Variants in EXOC6B observed in about 807,000 individuals in gnomAD.
The protein encoded by EXOC6B is SEC15 homolog B.
EXOC6B carries 54 observed loss-of-function variants against 113.5 expected under a neutral mutation model. The ratio of observed to expected loss-of-function variants is 0.48; its 90% CI spans 0.38 to 0.60. The LOEUF (loss-of-function observed/expected upper bound fraction) is 0.60, where lower values mean the gene tolerates loss of function less well. Among genes scored for constraint, EXOC6B ranks in the 20% least tolerant of loss-of-function variants. The probability of loss-of-function intolerance (pLI) is 0.00; values close to 1 mark genes in which losing one functional copy is unlikely to be tolerated. For missense variants in EXOC6B, 797 were observed against 977.5 expected, an observed-to-expected ratio of 0.82 and a Z score of 2.46; for synonymous variants, 357 against 339.0, an observed-to-expected ratio of 1.05 and a Z score of -0.58.
In EXOC6B at chr2:72,450,433, A is replaced by G. The variant is rs1573147571; in HGVS notation, c.1980+14727T>C. Among the ~76,000 whole-genome samples the G allele has an allele frequency of 4.6e-5, 7 of 152,344 alleles. No homozygotes were observed. The South Asian group carries it at 1.4e-3, about 32-fold the overall frequency. On this transcript the variant is annotated intron_variant, in intron 18 of 21. Transcript: ENST00000272427. ...GAGGGTATAGACACATTAAAAGTTA[A>G]TCTCACAACTATCACATTATTTTAA...
At chr2:72,631,443 TATATATATATATATATATAGAGAGAGAG>T (rs1672410420) in intron 6 of EXOC6B, among the ~76,000 whole-genome samples, 1 of 78,980 alleles carries the variant, frequency 1.3e-5, no homozygotes, top group African/African-American at 5.6e-5. Context: ...TATATATATA[TATATATATATATATATATAGAGAGAGAG>T]AGAGAGAGAG....
intron 18 of EXOC6B, among the ~76,000 whole-genome samples, chr2:72,444,664 A>G (rs1696454316): frequency 6.6e-6 from 1 of 152,178 alleles, no homozygotes; most frequent in South Asian, 2.1e-4. Context: ...CCACATAGAA[A>G]CTGTCAAGAC....
At chr2:72,542,076 A>G (rs1285835120) in intron 8 of EXOC6B, among the ~76,000 whole-genome samples, 1 of 152,232 alleles carries the variant, frequency 6.6e-6, no homozygotes, top group Non-Finnish European at 1.5e-5. Flanking sequence ...TAATAGAACA[A>G]CAAACTATAC....
At chr2:72,181,208 C>CAA (rs397936010) in intron 21 of EXOC6B, among the ~76,000 whole-genome samples, 7 of 121,818 alleles carry the variant, frequency 5.7e-5, no homozygotes, top group African/African-American at 1.3e-4. Context: ...GACTCCGTCT[C>CAA]AAAAAAAAAA....
chr2:72,322,784 A>G (rs898385108), intron 20 of EXOC6B, among the ~76,000 whole-genome samples: 2 of 152,070 alleles, frequency 1.3e-5, no homozygotes, highest in Non-Finnish European at 2.9e-5. Context: ...ACTGGCTAGC[A>G]ATATGCAGAA....
At chr2:72,730,579 G>GACACAC (rs3034987) in intron 5 of EXOC6B, among the ~76,000 whole-genome samples, 12,304 of 144,408 alleles carry the variant, frequency 0.085, 844 homozygotes, top group African/African-American at 0.19. Flanking sequence ...AACAGACAGA[G>GACACAC]ACACACACAC....
intron 16 of EXOC6B, among the ~76,000 whole-genome samples, chr2:72,490,408 G>C (rs1699673681): frequency 6.6e-6 from 1 of 152,002 alleles, no homozygotes; most frequent in Non-Finnish European, 1.5e-5. Flanking sequence ...AATATAAACT[G>C]CTCCACAAAT....
intron 17 of EXOC6B, among the ~76,000 whole-genome samples, chr2:72,466,790 T>A (rs1246500255): frequency 6.6e-6 from 1 of 152,180 alleles, no homozygotes; most frequent in African/African-American, 2.4e-5. Context: ...AAAACCACAA[T>A]TACTTTTGCA....
chr2:72,478,775 A>G (rs1191371864), intron 17 of EXOC6B, among the ~76,000 whole-genome samples: 2 of 152,264 alleles, frequency 1.3e-5, no homozygotes, highest in Non-Finnish European at 2.9e-5. Flanking sequence ...GAGAAAGAGT[A>G]TCAGTGGATA....
At chr2:72,343,469 A>C (rs746101375) in intron 19 of EXOC6B, among the ~76,000 whole-genome samples, 7 of 152,166 alleles carry the variant, frequency 4.6e-5, no homozygotes, top group African/African-American at 7.2e-5. Flanking sequence ...TGTGATAATA[A>C]TACTAGCTTT....
At chr2:72,436,569 C>T (rs1695884768) in intron 18 of EXOC6B, among the ~76,000 whole-genome samples, 1 of 152,058 alleles carries the variant, frequency 6.6e-6, no homozygotes, top group African/African-American at 2.4e-5. Flanking sequence ...TCACATTGTC[C>T]TGTATTTCTT....
At chr2:72,307,638 T>C (rs529147897) in intron 20 of EXOC6B, among the ~76,000 whole-genome samples, 1 of 152,356 alleles carries the variant, frequency 6.6e-6, no homozygotes, top group African/African-American at 2.4e-5. Flanking sequence ...TATTCAAAAT[T>C]ACTTATTCAA....
intron 1 of EXOC6B, among the ~76,000 whole-genome samples, chr2:72,785,573 C>T (rs934202238): frequency 6.6e-6 from 1 of 152,260 alleles, no homozygotes; most frequent in African/African-American, 2.4e-5. Flanking sequence ...CACATGGAAG[C>T]TGCCAAGGCT....
intron 20 of EXOC6B, among the ~76,000 whole-genome samples, chr2:72,266,010 A>G (rs1287199389): frequency 1.3e-5 from 2 of 152,084 alleles, no homozygotes; most frequent in African/African-American, 4.8e-5. Context: ...GCCAGTGATG[A>G]TGAGCATTTT....
chr2:72,515,638 C>CAAA, intron 8 of EXOC6B: 1 of 989,182 alleles, frequency 1.0e-6, no homozygotes, highest in Admixed American at 5.9e-5. Context: ...AAAACAAAAA[C>CAAA]AAAAGCATGA....
At chr2:72,767,465 T>C (rs1406360509) in intron 1 of EXOC6B, among the ~76,000 whole-genome samples, 1 of 151,830 alleles carries the variant, frequency 6.6e-6, no homozygotes, top group African/African-American at 2.4e-5. Context: ...CCCTTGGGTT[T>C]CCCAAGAACT....
intron 6 of EXOC6B, among the ~76,000 whole-genome samples, chr2:72,607,078 A>T (rs777218558): frequency 2.0e-4 from 30 of 152,210 alleles, no homozygotes; most frequent in Admixed American, 1.4e-3. Flanking sequence ...TCAGAACAGT[A>T]TTAATTAAGA....
At chr2:72,300,875 C>A (rs1446998858) in intron 20 of EXOC6B, among the ~76,000 whole-genome samples, 3 of 152,124 alleles carry the variant, frequency 2.0e-5, no homozygotes, top group African/African-American at 7.2e-5. Flanking sequence ...TCCAACCAGT[C>A]CCAATGAGAT....
intron 17 of EXOC6B, among the ~76,000 whole-genome samples, chr2:72,472,837 G>C (rs1360185587): frequency 6.6e-6 from 1 of 152,018 alleles, no homozygotes; most frequent in Non-Finnish European, 1.5e-5. Flanking sequence ...TTCCCTTTTA[G>C]TACTGCTTTT....
Sources: allele counts gnomAD v4.1 joint callset (sites outside exome capture counted in the v4.1 genomes callset), GRCh38; gene constraint gnomAD v4.1.1; transcripts MANE v1.5; gene names NCBI Gene and HGNC (gene_info 2026-07-23, HGNC 2026-07-21).